SPOCK3: variants seen among roughly 807,000 people sequenced by gnomAD.
SPOCK3 encodes the protein testican-3.
In SPOCK3, 30 loss-of-function variants were observed where a neutral mutation model predicts 56.6. The ratio of observed to expected loss-of-function variants is 0.53; its 90% CI spans 0.40 to 0.72. The LOEUF is 0.72. Among genes scored for constraint, SPOCK3 ranks in the 30% least tolerant of loss-of-function variants. The pLI is 0.00. For missense variants in SPOCK3, 527 were observed against 530.0 expected (o/e 0.99, Z 0.06); for synonymous variants, 196 against 183.3 (o/e 1.07, Z -0.56).
At chr4:166,932,138 G>A (rs1739860298) in intron 4 of SPOCK3, among the ~76,000 whole-genome samples, 2 of 152,156 alleles carry the variant, frequency 1.3e-5, no homozygotes, top group Non-Finnish European at 2.9e-5. Context: ...TAATAAGCCT[G>A]AAAGTATGTT....
intron 2 of SPOCK3, among the ~76,000 whole-genome samples, chr4:167,195,655 G>C (rs1732873260): frequency 6.6e-6 from 1 of 152,188 alleles, no homozygotes; most frequent in African/African-American, 2.4e-5. Flanking sequence ...GTGTGGGTGT[G>C]TATGACTCTT....
intron 2 of SPOCK3, among the ~76,000 whole-genome samples, chr4:167,223,110 T>C (rs1257804900): frequency 1.1e-5 from 1 of 88,786 alleles, no homozygotes; most frequent in African/African-American, 6.2e-5. Flanking sequence ...TATGAATATA[T>C]AATATATATT....
At chr4:167,058,252 C>A (rs929874690) in intron 3 of SPOCK3, among the ~76,000 whole-genome samples, 1 of 152,258 alleles carries the variant, frequency 6.6e-6, no homozygotes, top group East Asian at 1.9e-4. Context: ...TAGAAAACCC[C>A]ATTGTCTCAG....
At chr4:166,983,406 C>T (rs998155185) in intron 4 of SPOCK3, among the ~76,000 whole-genome samples, 1 of 152,044 alleles carries the variant, frequency 6.6e-6, no homozygotes, top group African/African-American at 2.4e-5. Context: ...TTGTTAGCTT[C>T]TATGTATTAG....
chr4:167,078,453 A>G (rs1348591928), intron 2 of SPOCK3, among the ~76,000 whole-genome samples: 1 of 151,346 alleles, frequency 6.6e-6, no homozygotes, highest in Non-Finnish European at 1.5e-5. Context: ...TGAAATAGAT[A>G]GGCAAACTCA....
intron 7 of SPOCK3, among the ~76,000 whole-genome samples, chr4:166,770,811 G>A (rs1331484927): frequency 6.6e-6 from 1 of 151,918 alleles, no homozygotes; most frequent in Non-Finnish European, 1.5e-5. Flanking sequence ...GACTGGTTAA[G>A]AGTAAAATAA....
At chr4:166,744,714 A>C (rs1735341927) in intron 8 of SPOCK3, among the ~76,000 whole-genome samples, 1 of 152,162 alleles carries the variant, frequency 6.6e-6, no homozygotes, top group African/African-American at 2.4e-5. Flanking sequence ...GTTCGAACCC[A>C]TTGCAAGGCA....
At position 167,056,981 on chromosome 4, in the gene SPOCK3, T is replaced by C. The variant is rs545350003; in HGVS notation, c.235+5511A>G. ...AGAAGAGCAACTCCAAGTCACATAA[T>C]TGTCAGGTTCACCAAAGTTGAAATG... is the stretch of plus-strand genomic sequence containing the variant. On this transcript the variant is annotated intron_variant, in intron 3 of 10. Transcript: ENST00000357545. Among the ~76,000 whole-genome samples, 22 of 152,090 alleles carry C rather than the reference T, an allele frequency of 1.4e-4. 1 individual carries two copies. The South Asian group carries it at 4.1e-3, about 29-fold the overall frequency.
chr4:167,216,334 G>A (rs771528926), intron 2 of SPOCK3, among the ~76,000 whole-genome samples: 2 of 151,924 alleles, frequency 1.3e-5, no homozygotes, highest in Non-Finnish European at 2.9e-5. Flanking sequence ...AAGATGAATA[G>A]AAGATTTTAA....
In SPOCK3 at chr4:166,964,979, T is replaced by C. The variant is rs115522627; in HGVS notation, c.350+35370A>G. ...ACCAATCTCTCTTGTGTTGGGACTT[T>C]TCAGTGTTTACAAGGCTAATCTCTA... On this transcript the variant is annotated intron_variant, in intron 4 of 10. Coordinates refer to ENST00000357545, the MANE Select transcript of SPOCK3 (RefSeq NM_001040159.2). 7.9e-3 allele frequency among the ~76,000 whole-genome samples: 1,195 copies of C among 152,050 alleles called. 13 individuals are homozygous for C. The highest frequency in any genetic ancestry group is 0.027 in the African/African-American group (1,125 of 41,544).
chr4:166,892,480 G>T (rs998817943), intron 5 of SPOCK3, among the ~76,000 whole-genome samples: 14 of 151,796 alleles, frequency 9.2e-5, no homozygotes, highest in South Asian at 4.2e-4. Flanking sequence ...ATTCCATGGA[G>T]AATTTTACTC....
At chr4:167,175,875 T>C (rs796788074) in intron 2 of SPOCK3, among the ~76,000 whole-genome samples, 24 of 152,228 alleles carry the variant, frequency 1.6e-4, no homozygotes, top group African/African-American at 5.8e-4. Flanking sequence ...TAATAAAAAA[T>C]CTGTTTAGTG....
Position 167,026,307 on chromosome 4 carries a change from C to T in SPOCK3, c.236-25844G>A, listed in dbSNP as rs975909672. Among the ~76,000 whole-genome samples, 4 of 152,016 alleles carry T rather than the reference C, an allele frequency of 2.6e-5. 1 individual carries two copies. Among genetic ancestry groups the T allele is most frequent in the African/African-American group, 9.7e-5 (4 of 41,394 alleles). On this transcript the variant is annotated intron_variant, in intron 3 of 10. Transcript: ENST00000357545. ...ACTTAGTGCTGGAATTTCTTAGTTG[C>T]CATGTATGTTAGATCACTATTTCAC...
chr4:167,177,485 G>A (rs962290568), intron 2 of SPOCK3, among the ~76,000 whole-genome samples: 8 of 152,012 alleles, frequency 5.3e-5, no homozygotes, highest in Admixed American at 3.3e-4. Flanking sequence ...GGATGTACGT[G>A]GAGAATCATG....
At chr4:167,116,418 T>C (rs1052744890) in intron 2 of SPOCK3, among the ~76,000 whole-genome samples, 48 of 146,896 alleles carry the variant, frequency 3.3e-4, no homozygotes, top group African/African-American at 1.1e-3. Flanking sequence ...CAAAAGTATA[T>C]ATATATACAC....
At chr4:166,981,738 C>A (rs1579889765) in intron 4 of SPOCK3, among the ~76,000 whole-genome samples, 1 of 152,322 alleles carries the variant, frequency 6.6e-6, no homozygotes, top group East Asian at 1.9e-4. Context: ...CTGTCTGACT[C>A]CTGCCATCCA....
intron 2 of SPOCK3, among the ~76,000 whole-genome samples, chr4:167,101,142 TTTA>T (rs1759603511): frequency 1.3e-5 from 2 of 152,134 alleles, no homozygotes; most frequent in Admixed American, 1.3e-4. Context: ...GGCTGTTTTC[TTTA>T]TTACATTCTT....
chr4:167,162,766 C>CT (rs889391311), intron 2 of SPOCK3, among the ~76,000 whole-genome samples: 3 of 151,828 alleles, frequency 2.0e-5, no homozygotes, highest in Non-Finnish European at 4.4e-5. Flanking sequence ...TTACTCTCGA[C>CT]TTTTTTTTAT....
At chr4:167,075,012 A>G (rs1258660925) in intron 2 of SPOCK3, among the ~76,000 whole-genome samples, 1 of 151,838 alleles carries the variant, frequency 6.6e-6, no homozygotes, top group Admixed American at 6.6e-5. Context: ...TTCCATTTCC[A>G]CTCTTAGTTA....
Sources: gnomAD v4.1 joint callset for allele counts (sites outside exome capture counted in the v4.1 genomes callset) on GRCh38, gnomAD v4.1.1 for gene constraint, MANE v1.5 for transcripts, NCBI Gene and HGNC (gene_info 2026-07-23, HGNC 2026-07-21) for gene names.